The following DCHS1 variants were observed in gnomAD, a reference collection of about 807,000 sequenced individuals.
The protein encoded by DCHS1 is protocadherin-16.
Under a neutral mutation model 213.9 loss-of-function variants are expected in DCHS1, and 78 were observed. The ratio of observed to expected loss-of-function variants is 0.36; its 90% CI spans 0.30 to 0.44. The LOEUF is 0.44. Ranked by LOEUF, DCHS1 falls within the 20% of genes least tolerant of loss-of-function variation. The pLI is 1.00. For missense variants in DCHS1, 3,946 were observed against 4,395.9 expected (o/e 0.90, Z 2.89); for synonymous variants, 1,828 against 1,873.7 (o/e 0.98, Z 0.63).
At chr11:6,639,461 T>C (rs953664338) in intron 2 of DCHS1, among the ~76,000 whole-genome samples, 1 of 152,134 alleles carries the variant, frequency 6.6e-6, no homozygotes, top group African/African-American at 2.4e-5. Context: ...CCCCATAAAT[T>C]CTGGTGTCTT....
At position 6,627,068 on chromosome 11, in the gene DCHS1, G is replaced by A. The variant is rs148935165; in HGVS notation, c.5971C>T (p.Arg1991Cys). Reference sequence around the variant, plus strand: ...ATGGAAGCATTGGCACCAGCATCACGATCTTCAGCTCTCAGTGTGGCCAGA... The same window carrying A: ...ATGGAAGCATTGGCACCAGCATCACAATCTTCAGCTCTCAGTGTGGCCAGA... The part of the protein sequence containing the change: ...LALATLRAED[R>C]DAGANASILY... The change falls in exon 14 of 21, where the codon CGT (arginine) becomes TGT (cysteine). Residue 1991 changes from arginine to cysteine, a missense_variant. Around this residue, in one of 3 missense-constraint regions of DCHS1, gnomAD observed 3,384 missense variants for 3,780.1 expected, o/e 0.90. Transcript: ENST00000299441. The surrounding 1 kb of genome is among the most constrained non-coding windows in gnomAD (Gnocchi z 5.4). 8 of 1,613,432 alleles carry A rather than the reference G, an allele frequency of 5.0e-6. No homozygotes were observed. The highest frequency in any genetic ancestry group is 2.2e-5 in the South Asian group (2 of 91,084).
rs1182645272 is a variant in DCHS1, at chr11:6,641,706, G to A, written c.-93C>T. 6.9e-7 allele frequency: 1 copy of A among 1,449,848 alleles called. No homozygotes were observed. The highest frequency in any genetic ancestry group is 1.5e-5 in the South Asian group (1 of 68,146). 89.8% of individuals were successfully genotyped at this position (1,449,848 alleles called of 1,614,324 possible). A position where few individuals can be genotyped will look rare whatever the true frequency, so the allele number is the denominator to read the frequency against. On this transcript the variant is annotated 5_prime_UTR_variant, in exon 2 of 21. Transcript: ENST00000299441. This position sits in a 1 kb window ranked among gnomAD's most constrained non-coding sequence, Gnocchi z 7.1. Reference sequence around the variant, plus strand: ...AGACTTTGGGTCAGGTCCCACTGGGGCCCTGGCTCCAGCTCAGGCTCCCTG... The same window carrying A: ...AGACTTTGGGTCAGGTCCCACTGGGACCCTGGCTCCAGCTCAGGCTCCCTG...
At chr11:6,636,996 T>C (rs916941296) in intron 2 of DCHS1, among the ~76,000 whole-genome samples, 5 of 152,238 alleles carry the variant, frequency 3.3e-5, no homozygotes, top group African/African-American at 1.2e-4. Context: ...ATCCACACAG[T>C]TGCTAAAGCC....
rs914945805 is a variant in DCHS1, at chr11:6,653,882, G to A, written c.-121+1681C>T. Among the ~76,000 whole-genome samples, 4 of 152,164 alleles carry A rather than the reference G, an allele frequency of 2.6e-5. No homozygotes were observed. In the East Asian group the frequency reaches 5.8e-4, roughly 22 times the overall value. On this transcript the variant is annotated intron_variant, in intron 1 of 20. Transcript: ENST00000299441. ...TGAGGTCAAAGAGTGTAATGGGAGCGAGAACATCTGAAAGCTGGAAGGATA... is the reference window on the plus strand; with the variant it reads ...TGAGGTCAAAGAGTGTAATGGGAGCAAGAACATCTGAAAGCTGGAAGGATA...
At chr11:6,629,937 T>C in intron 10 of DCHS1, 26 bp from the exon 11 acceptor site, 1 of 1,607,370 alleles carries the variant, frequency 6.2e-7, no homozygotes, top group Non-Finnish European at 8.5e-7. Context: ...GGCAGGTTGG[T>C]GGGGACCCCA....
chr11:6,649,094 T>C (rs896387997), intron 1 of DCHS1, among the ~76,000 whole-genome samples: 1 of 151,942 alleles, frequency 6.6e-6, no homozygotes, highest in Non-Finnish European at 1.5e-5. Flanking sequence ...CACTAAATGT[T>C]AGCTGCTGCT....
chr11:6,629,375 A>C, intron 12 of DCHS1, 77 bp downstream of exon 12: 2 of 1,548,014 alleles, frequency 1.3e-6, no homozygotes, highest in Non-Finnish European at 1.7e-6. Context: ...AAAAGGTAGT[A>C]CTTTGGGTAT....
chr11:6,625,546 G>C lies in DCHS1; in HGVS notation c.6862+51C>G. 1 of 1,611,676 alleles carries C rather than the reference G, an allele frequency of 6.2e-7. No homozygotes were observed. The highest frequency in any genetic ancestry group is 8.5e-7 in the Non-Finnish European group (1 of 1,179,254). On this transcript the variant is annotated intron_variant, in intron 18 of 20. Coordinates refer to ENST00000299441, the MANE Select transcript of DCHS1 (RefSeq NM_003737.4). This position sits in a 1 kb window ranked among gnomAD's most constrained non-coding sequence, Gnocchi z 5.3. ...GCCCCACCTTGAGCTGCAGGGTGGAGAAAAATGTCTCTCTGCCACCCTTTA... is the reference window on the plus strand; with the variant it reads ...GCCCCACCTTGAGCTGCAGGGTGGACAAAAATGTCTCTCTGCCACCCTTTA...
chr11:6,632,496 G>C lies in DCHS1; in HGVS notation c.3016C>G (p.Arg1006Gly), dbSNP rs201627360. Residue 1006 changes from arginine (R) to glycine (G), a missense_variant, in exon 6 of 21, where the codon CGT becomes GGT. Arg to Gly is a moderately radical substitution (Grantham distance 125). This residue lies in a region of DCHS1 where 3,384 missense variants were observed against 3,780.1 expected (regional missense o/e 0.90). Coordinates refer to ENST00000299441, the MANE Select transcript of DCHS1 (RefSeq NM_003737.4). The surrounding 1 kb of genome is among the most constrained non-coding windows in gnomAD (Gnocchi z 5.9). The stretch of plus-strand genomic sequence containing the variant: ...GTGGTGCCTGAGGGCAGGTCCACAC[G>C]GTAGGTAGGGCTGTTGAATCGGGGA... The part of the protein sequence containing the change: ...LAPRFNSPTY[R>G]VDLPSGTTAG... The C allele has an allele frequency of 1.9e-6, 3 of 1,571,198 alleles. No individual in the cohort carries two copies. Among genetic ancestry groups the C allele is most frequent in the Non-Finnish European group, 2.6e-6 (3 of 1,156,902 alleles).
At chr11:6,655,506 G>A (rs973918759) in intron 1 of DCHS1, 57 bp downstream of exon 1, 128 of 956,996 alleles carry the variant, frequency 1.3e-4, no homozygotes, top group Non-Finnish European at 1.6e-4. Flanking sequence ...CAGCCCAGGG[G>A]AGGCCGGCGG....
chr11:6,652,122 G>C (rs569293107), intron 1 of DCHS1, among the ~76,000 whole-genome samples: 48 of 152,340 alleles, frequency 3.2e-4, no homozygotes, highest in Non-Finnish European at 5.1e-4. Flanking sequence ...AGAACAGCTA[G>C]GAGGAGCTCC....
Position 6,625,299 on chromosome 11 carries a change from G to A in DCHS1, c.7045C>T (p.Leu2349=), listed in dbSNP as rs762429801. ...FEQCDRYQLQ[L]LAHDGPHEGR... is the part of the protein sequence containing the mutation. ...TCATGAGGCCCATCATGTGCCAGCA[G>A]CTGCAGCTGGTAGCGGTCACACTGC... The change falls in exon 19 of 21, where the codon CTG becomes TTG. Residue 2349 remains leucine (L), a synonymous_variant. Coordinates refer to ENST00000299441, the MANE Select transcript of DCHS1 (RefSeq NM_003737.4). The surrounding 1 kb of genome is among the most constrained non-coding windows in gnomAD (Gnocchi z 5.3). 6.2e-7 allele frequency: 1 copy of A among 1,613,882 alleles called. No homozygotes were observed.
In DCHS1 at chr11:6,624,251, C is replaced by T. The variant is rs1229650784; in HGVS notation, c.7425G>A (p.Gln2475=). The T allele has an allele frequency of 6.2e-7, 1 of 1,612,264 alleles. No individual in the cohort carries two copies. Among genetic ancestry groups the T allele is most frequent in the Admixed American group, 1.7e-5 (1 of 59,792 alleles). ...ATGTGAAGCTCGGGGCGTGGTCGTT[C>T]TGGTCCTGCAGCTGCACGTGCACTG... ...RATVHVQLQD[Q]NDHAPSFTLS... Residue 2475 remains glutamine (Q), a synonymous_variant, in exon 21 of 21, where the codon CAG becomes CAA. Transcript: ENST00000299441.
chr11:6,647,453 G>A (rs895384783), intron 1 of DCHS1, among the ~76,000 whole-genome samples: 26 of 152,272 alleles, frequency 1.7e-4, no homozygotes, highest in African/African-American at 5.3e-4. Context: ...AGCAGTGCCC[G>A]GGCCTGGCTC....
Position 6,632,435 on chromosome 11 carries a change from G to T in DCHS1, c.3077C>A (p.Ala1026Glu). 1 of 1,607,580 alleles carries T rather than the reference G, an allele frequency of 6.2e-7. No homozygotes were observed. The highest frequency in any genetic ancestry group is 8.5e-7 in the Non-Finnish European group (1 of 1,175,658). The change falls in exon 6 of 21, where the codon GCA becomes GAA. Residue 1026 changes from alanine to glutamate, a missense_variant. Around this residue, in one of 3 missense-constraint regions of DCHS1, gnomAD observed 3,384 missense variants for 3,780.1 expected, o/e 0.90. Coordinates refer to ENST00000299441, the MANE Select transcript of DCHS1 (RefSeq NM_003737.4). This position sits in a 1 kb window ranked among gnomAD's most constrained non-coding sequence, Gnocchi z 5.9. Reference sequence around the variant, plus strand: ...ATAGGTGATAGGGCCCCCATCTGGTGCTTGGGCCTGCACTTGCAGGACCTG... The same window carrying T: ...ATAGGTGATAGGGCCCCCATCTGGTTCTTGGGCCTGCACTTGCAGGACCTG... ...GTQVLQVQAQAPDGGPITYHL... is the reference protein window; with the variant it reads ...GTQVLQVQAQEPDGGPITYHL...
Position 6,630,781 on chromosome 11 carries a change from G to A in DCHS1, c.4013C>T (p.Thr1338Met), listed in dbSNP as rs979864473. ...CCGCAGTCCCTCAGCTGCTGTCACCGTCAGCACGACAGGCACTGGTGCCGC... is the reference window on the plus strand; with the variant it reads ...CCGCAGTCCCTCAGCTGCTGTCACCATCAGCACGACAGGCACTGGTGCCGC... ...DPAAPVPVVL[T>M]VTAAEGLRPG... The change falls in exon 10 of 21, where the codon ACG becomes ATG. Residue 1338 changes from threonine to methionine, a missense_variant. By Grantham distance (81) the Thr-to-Met change is moderately conservative. Around this residue, in one of 3 missense-constraint regions of DCHS1, gnomAD observed 3,384 missense variants for 3,780.1 expected, o/e 0.90. Coordinates refer to ENST00000299441, the MANE Select transcript of DCHS1 (RefSeq NM_003737.4). The A allele has an allele frequency of 3.4e-5, 52 of 1,547,634 alleles. No homozygotes were observed. The highest frequency in any genetic ancestry group is 4.4e-5 in the Non-Finnish European group (50 of 1,147,228).
intron 1 of DCHS1, among the ~76,000 whole-genome samples, chr11:6,642,970 G>A (rs1013295630): frequency 6.6e-6 from 1 of 152,166 alleles, no homozygotes; most frequent in East Asian, 1.9e-4. Flanking sequence ...GAAGTAGAGA[G>A]GCCGGGCTTG....
chr11:6,641,869 C>CCA lies in DCHS1; in HGVS notation c.-120-138_-120-137dup, dbSNP rs1294129617. The stretch of plus-strand genomic sequence containing the variant: ...TGTGCTGCCTCACACTCATCTTGGG[C>CCA]CACACGGATCTCTGCCTCAGGACTC... On this transcript the variant is annotated intron_variant, in intron 1 of 20. Transcript: ENST00000299441. This position sits in a 1 kb window ranked among gnomAD's most constrained non-coding sequence, Gnocchi z 7.1. 2 of 721,650 alleles carry CCA rather than the reference C, an allele frequency of 2.8e-6. No homozygotes were observed. The highest frequency in any genetic ancestry group is 2.1e-6 in the Non-Finnish European group (1 of 472,338). 44.7% of individuals were successfully genotyped at this position (721,650 alleles called of 1,614,324 possible).
Position 6,630,026 on chromosome 11 carries a change from C to T in DCHS1, c.4768G>A (p.Gly1590Ser), listed in dbSNP as rs934539374. The T allele has an allele frequency of 1.3e-6, 2 of 1,557,274 alleles. No homozygotes were observed. Among genetic ancestry groups the T allele is most frequent in the Non-Finnish European group, 1.7e-6 (2 of 1,148,026 alleles). ...VSYRLASGGD[G>S]HFRLHSSTGA... ...GTGCTTGAGTGCAGCCGGAAGTGGC[C>T]GTCCCCGCCAGATGCCAGCCGATAG... The change falls in exon 10 of 21, where the codon GGC (glycine) becomes AGC (serine). Residue 1590 changes from glycine (G) to serine (S), a missense_variant. Physicochemically the swap from Gly to Ser is moderately conservative, Grantham distance 56. Transcript: ENST00000299441.
Sources: gnomAD v4.1 joint callset for allele counts (sites outside exome capture counted in the v4.1 genomes callset) on GRCh38, gnomAD v4.1.1 for gene constraint, gnomAD v4.1.1 regional missense constraint, Gnocchi (gnomAD v3.1) non-coding constraint, MANE v1.5 for transcripts, NCBI Gene and HGNC (gene_info 2026-07-23, HGNC 2026-07-21) for gene names.